ZFPM1: variants seen among roughly 807,000 people sequenced by gnomAD.
ZFPM1 encodes the protein zinc finger protein ZFPM1.
In ZFPM1, 28 loss-of-function variants were observed where a neutral mutation model predicts 46.3. The ratio of observed to expected loss-of-function variants is 0.60; its 90% CI spans 0.45 to 0.83. The LOEUF (loss-of-function observed/expected upper bound fraction) is 0.83, where lower values mean the gene tolerates loss of function less well. Ranked by LOEUF, ZFPM1 falls within the 40% of genes least tolerant of loss-of-function variation. ZFPM1 has a pLI of 0.00. For missense variants in ZFPM1, 1,878 were observed against 1,432.4 expected (o/e 1.31, Z -5.02); for synonymous variants, 957 against 675.9 (o/e 1.42, Z -6.45).
chr16:88,481,370 T>G (rs1223261115), intron 1 of ZFPM1, among the ~76,000 whole-genome samples: 1 of 152,154 alleles, frequency 6.6e-6, no homozygotes, highest in Non-Finnish European at 1.5e-5. Flanking sequence ...AAGGGCTACG[T>G]GCTGGGTGCA....
At chr16:88,531,787 C>T (rs1209557355) in intron 6 of ZFPM1, among the ~76,000 whole-genome samples, 1 of 152,216 alleles carries the variant, frequency 6.6e-6, no homozygotes, top group African/African-American at 2.4e-5. Flanking sequence ...CCCCACTCCC[C>T]ACGGGTCCCA....
intron 3 of ZFPM1, among the ~76,000 whole-genome samples, chr16:88,507,938 T>G (rs1910749567): frequency 6.6e-6 from 1 of 152,100 alleles, no homozygotes; most frequent in Non-Finnish European, 1.5e-5. Context: ...GGTTGCCCCA[T>G]CTGTAAACAG....
intron 1 of ZFPM1, among the ~76,000 whole-genome samples, chr16:88,482,826 A>G (rs1597240274): frequency 6.6e-6 from 1 of 152,068 alleles, no homozygotes; most frequent in East Asian, 1.9e-4. Context: ...AAGGGGGAGG[A>G]GCCGGGCTGA....
intron 3 of ZFPM1, among the ~76,000 whole-genome samples, chr16:88,505,842 A>G (rs576313660): frequency 5.3e-5 from 8 of 152,102 alleles, no homozygotes; most frequent in African/African-American, 1.9e-4. Flanking sequence ...TAGCAGAGAG[A>G]GAGCCTCGGC....
intron 2 of ZFPM1, among the ~76,000 whole-genome samples, chr16:88,486,756 G>A (rs1441387989): frequency 6.7e-6 from 1 of 149,688 alleles, no homozygotes; most frequent in Non-Finnish European, 1.5e-5. Context: ...GGTGCTGGGT[G>A]CACAGTGGAT....
At position 88,469,453 on chromosome 16, in the gene ZFPM1, G is replaced by A. The variant is rs908091491; in HGVS notation, c.40+15775G>A. On this transcript the variant is annotated intron_variant, in intron 1 of 9. Coordinates refer to ENST00000319555, the MANE Select transcript of ZFPM1 (RefSeq NM_153813.3). This position sits in a 1 kb window ranked among gnomAD's most constrained non-coding sequence, Gnocchi z 4.3. ...GAGGCTGAGGTGGCAGGTTCTCTGGGGGTCCTCCTGTCTGTGGCTGTGGCA... is the reference window on the plus strand; with the variant it reads ...GAGGCTGAGGTGGCAGGTTCTCTGGAGGTCCTCCTGTCTGTGGCTGTGGCA... Among the ~76,000 whole-genome samples, 5 of 152,168 alleles carry A rather than the reference G, an allele frequency of 3.3e-5. No individual in the cohort carries two copies. Among genetic ancestry groups the A allele is most frequent in the Non-Finnish European group, 7.3e-5 (5 of 68,042 alleles).
intron 4 of ZFPM1, among the ~76,000 whole-genome samples, chr16:88,518,528 T>C (rs1911515755): frequency 1.3e-5 from 2 of 148,700 alleles, no homozygotes; most frequent in Admixed American, 6.7e-5. Context: ...GGTGGATGGA[T>C]AGATGGATGA....
Position 88,498,155 on chromosome 16 carries a change from C to T in ZFPM1, c.268+9002C>T, listed in dbSNP as rs1013405018. ...CCCAGTGCTGGGTCAGGAGCCACCT[C>T]CTCTGGCTGTCCTGGGGAACACGGA... is the stretch of plus-strand genomic sequence containing the variant. On this transcript the variant is annotated intron_variant, in intron 3 of 9. Coordinates refer to ENST00000319555, the MANE Select transcript of ZFPM1 (RefSeq NM_153813.3). 2.6e-4 allele frequency among the ~76,000 whole-genome samples: 40 copies of T among 152,264 alleles called. 1 individual carries two copies. Among genetic ancestry groups the T allele is most frequent in the Admixed American group, 2.0e-3 (31 of 15,304 alleles).
chr16:88,524,141 C>T (rs528010615), intron 4 of ZFPM1, among the ~76,000 whole-genome samples: 1 of 152,202 alleles, frequency 6.6e-6, no homozygotes, highest in Admixed American at 6.5e-5. Context: ...CAGCACCCAT[C>T]GGAGGATCAA....
Position 88,535,011 on chromosome 16 carries a change from C to A in ZFPM1, c.*32C>A. ...ACACTACAGCCGCAGACGCTTTGCA[C>A]GCCCCGCTGCGATGCGGGGAGGGGG... On this transcript the variant is annotated 3_prime_UTR_variant, in exon 10 of 10. Coordinates refer to ENST00000319555, the MANE Select transcript of ZFPM1 (RefSeq NM_153813.3). 1 of 1,357,448 alleles carries A rather than the reference C, an allele frequency of 7.4e-7. No individual in the cohort carries two copies. Among genetic ancestry groups the A allele is most frequent in the Non-Finnish European group, 9.6e-7 (1 of 1,045,656 alleles). 84.1% of individuals were successfully genotyped at this position (1,357,448 alleles called of 1,614,324 possible).
rs1488348195 is a variant in ZFPM1 at position 88,536,305 on chromosome 16, G to A, written c.*1326G>A. 4 of 152,138 alleles carry A rather than the reference G, an allele frequency of 2.6e-5. No individual in the cohort carries two copies. The highest frequency in any genetic ancestry group is 9.7e-5 in the African/African-American group (4 of 41,410). The allele number at this position is 152,138 out of a possible 1,614,324, so 9.4% of individuals were successfully genotyped here. ...TCCTGCCTCAGCCTCCCAAGTAGCT[G>A]GGACTACAGGCTTGACCCACCACAC... On this transcript the variant is annotated 3_prime_UTR_variant, in exon 10 of 10. Transcript: ENST00000319555.
At chr16:88,526,010 A>G (rs575685912) in intron 4 of ZFPM1, among the ~76,000 whole-genome samples, 1 of 152,106 alleles carries the variant, frequency 6.6e-6, no homozygotes, top group African/African-American at 2.4e-5. Context: ...TTCCTCACCC[A>G]TGAGATGGAG....
intron 2 of ZFPM1, among the ~76,000 whole-genome samples, chr16:88,487,844 C>T (rs973818070): frequency 2.0e-5 from 3 of 152,222 alleles, no homozygotes; most frequent in Admixed American, 6.5e-5. Context: ...CTAGCTCACC[C>T]AGGGACATCC....
At chr16:88,453,737 C>A in intron 1 of ZFPM1, 59 bp downstream of exon 1, 2 of 1,040,096 alleles carry the variant, frequency 1.9e-6, no homozygotes, top group Non-Finnish European at 2.4e-6. Flanking sequence ...GGAGCCCAGC[C>A]GCCAGCGCCG....
In ZFPM1 at chr16:88,532,094, G is replaced by A. The variant is rs757462287; in HGVS notation, c.805G>A (p.Gly269Ser). 16 of 1,612,356 alleles carry A rather than the reference G, an allele frequency of 9.9e-6. No individual in the cohort carries two copies. The highest frequency in any genetic ancestry group is 1.2e-5 in the Non-Finnish European group (14 of 1,179,764). ...HLLYYCASRQ[G>S]TGSPAAAATD... ...GCTCTACTACTGCGCCAGCCGCCAG[G>A]GCACCGGCTCCCCGGCCGCAGCCGC... The change falls in exon 7 of 10, where the codon GGC (glycine) becomes AGC (serine). Residue 269 changes from glycine (G) to serine (S), a missense_variant. Physicochemically the swap from Gly to Ser is moderately conservative, Grantham distance 56. Transcript: ENST00000319555.
chr16:88,501,979 GA>G (rs1331132032), intron 3 of ZFPM1, among the ~76,000 whole-genome samples: 1 of 151,988 alleles, frequency 6.6e-6, no homozygotes, highest in Non-Finnish European at 1.5e-5. Flanking sequence ...CTGACCTCCT[GA>G]CCCCAGCCCT....
In ZFPM1 at chr16:88,533,611, C is replaced by T. The variant is rs1912988843; in HGVS notation, c.1653C>T (p.His551=). ...TGGCCAAGATGTCCGAGCTGGTGCA[C>T]AGCCGGCTGCAGCAGGGCGCGGGCG... The part of the protein sequence containing the change: ...EILAKMSELV[H]SRLQQGAGAG... The change falls in exon 10 of 10, where the codon CAC becomes CAT. Residue 551 remains histidine (H), a synonymous_variant. Transcript: ENST00000319555. 1 of 1,479,790 alleles carries T rather than the reference C, an allele frequency of 6.8e-7. No individual in the cohort carries two copies. The highest frequency in any genetic ancestry group is 1.5e-5 in the African/African-American group (1 of 67,230). 91.7% of individuals were successfully genotyped at this position (1,479,790 alleles called of 1,614,324 possible).
At chr16:88,519,038 GTGGA>G (rs1911577434) in intron 4 of ZFPM1, among the ~76,000 whole-genome samples, 1 of 125,606 alleles carries the variant, frequency 8.0e-6, no homozygotes, top group Non-Finnish European at 1.6e-5. Context: ...GGATGGATGG[GTGGA>G]TGGATAGATG....
At chr16:88,461,717 C>T (rs4584807) in intron 1 of ZFPM1, among the ~76,000 whole-genome samples, 60,246 of 151,910 alleles carry the variant, frequency 0.4, 12,828 homozygotes, top group African/African-American at 0.55. Flanking sequence ...CTCCTTCAGG[C>T]GTTAGGTTTT....
Sources: allele counts gnomAD v4.1 joint callset (sites outside exome capture counted in the v4.1 genomes callset), GRCh38; gene constraint gnomAD v4.1.1; non-coding constraint Gnocchi (gnomAD v3.1); transcripts MANE v1.5; gene names NCBI Gene and HGNC (gene_info 2026-07-23, HGNC 2026-07-21).